The following TBPL2 variants were observed in gnomAD, a reference collection of about 807,000 sequenced individuals.
The protein encoded by TBPL2 is TATA box-binding protein-like 2.
Under a neutral mutation model 38.2 loss-of-function variants are expected in TBPL2, and 40 were observed. The ratio of observed to expected loss-of-function variants is 1.05; its 90% confidence interval spans 0.81 to 1.36. The LOEUF (loss-of-function observed/expected upper bound fraction) is 1.36, where lower values mean the gene tolerates loss of function less well. TBPL2 is among the 40% of genes most tolerant of loss of function. TBPL2 has a pLI of 0.00. For synonymous variants in TBPL2, 169 were observed against 171.7 expected (o/e 0.98, Z 0.12); for missense variants, 461 against 456.7 (o/e 1.01, Z -0.09).
chr14:55,415,514 A>AT lies in TBPL2; in HGVS notation c.1052-1060dup, dbSNP rs143861193. On this transcript the variant is annotated intron_variant, in intron 6 of 6. Coordinates refer to ENST00000247219, the Ensembl canonical transcript of TBPL2. ...TACTACGCACTTTCATTGCAGCACT[A>AT]TTCACACTTGCCAAAAGGTGGAAAC... 2.9e-3 allele frequency among the ~76,000 whole-genome samples: 440 copies of AT among 152,334 alleles called. 3 individuals carry two copies. The highest frequency in any genetic ancestry group is 3.4e-3 in the Non-Finnish European group (229 of 68,038).
chr14:55,417,615 A>ATG (rs1885687702), intron 6 of TBPL2, among the ~76,000 whole-genome samples: 1 of 152,024 alleles, frequency 6.6e-6, no homozygotes, highest in Admixed American at 6.6e-5. Flanking sequence ...AAGCACCACC[A>ATG]TGTCTGGCTA....
At chr14:55,426,453 C>T (rs1341927279) in intron 5 of TBPL2, among the ~76,000 whole-genome samples, 1 of 152,022 alleles carries the variant, frequency 6.6e-6, no homozygotes, top group African/African-American at 2.4e-5. Context: ...GGGTTTAACA[C>T]AAGGCAAATT....
At chr14:55,418,686 G>A (rs1885702508) in intron 6 of TBPL2, among the ~76,000 whole-genome samples, 1 of 152,108 alleles carries the variant, frequency 6.6e-6, no homozygotes, top group African/African-American at 2.4e-5. Flanking sequence ...CAGCAACAAT[G>A]ACACAACTTC....
intron 4 of TBPL2, among the ~76,000 whole-genome samples, chr14:55,433,179 AC>A (rs1173888269): frequency 7.9e-5 from 12 of 152,026 alleles, no homozygotes; most frequent in Non-Finnish European, 1.0e-4. Context: ...CTCAGACTGG[AC>A]TGCAGTGGTA....
intron 1 of TBPL2, chr14:55,438,749 T>C (rs905813960): frequency 3.9e-5 from 6 of 152,252 alleles, no homozygotes; most frequent in African/African-American, 1.4e-4. Context: ...ACTGCATCCT[T>C]GGCTTCAGAA....
At chr14:55,433,526 G>A (rs1421797042) in intron 4 of TBPL2, 104 bp downstream of exon 4, 2 of 1,043,608 alleles carry the variant, frequency 1.9e-6, no homozygotes, top group East Asian at 4.8e-5. Flanking sequence ...AGCAAAGAAA[G>A]GCATTTTGCT....
chr14:55,420,833 G>C (rs1034878483), intron 6 of TBPL2, among the ~76,000 whole-genome samples: 4 of 152,102 alleles, frequency 2.6e-5, no homozygotes, highest in Admixed American at 2.6e-4. Context: ...GCCGAGGCGG[G>C]TGGATCACGA....
intron 4 of TBPL2, among the ~76,000 whole-genome samples, chr14:55,432,654 T>G (rs1594793491): frequency 6.6e-6 from 1 of 152,308 alleles, no homozygotes; most frequent in East Asian, 1.9e-4. Context: ...TTTTTGTCAA[T>G]CAATTTAGCA....
intron 1 of TBPL2, among the ~76,000 whole-genome samples, chr14:55,439,653 G>A (rs1254553297): frequency 7.5e-6 from 1 of 133,678 alleles, no homozygotes; most frequent in Admixed American, 8.9e-5. Context: ...AAAATTAGCC[G>A]GGCATGGTGG....
chr14:55,426,481 C>T (rs1375486136), intron 5 of TBPL2, among the ~76,000 whole-genome samples: 1 of 152,030 alleles, frequency 6.6e-6, no homozygotes, highest in Non-Finnish European at 1.5e-5. Flanking sequence ...ATAATTATAA[C>T]TGATTATGTA....
intron 5 of TBPL2, among the ~76,000 whole-genome samples, chr14:55,426,831 C>A (rs1005600785): frequency 6.6e-6 from 1 of 152,220 alleles, no homozygotes; most frequent in Non-Finnish European, 1.5e-5. Context: ...GCCTTACTGG[C>A]AACCCTTCCA....
chr14:55,419,510 A>T (rs1172940514), intron 6 of TBPL2, among the ~76,000 whole-genome samples: 1 of 152,244 alleles, frequency 6.6e-6, no homozygotes, highest in African/African-American at 2.4e-5. Context: ...ATGTCACACC[A>T]GCCACAGAAA....
At chr14:55,424,550 A>C (rs1885792111) in intron 5 of TBPL2, among the ~76,000 whole-genome samples, 1 of 152,210 alleles carries the variant, frequency 6.6e-6, no homozygotes, top group Non-Finnish European at 1.5e-5. Flanking sequence ...CTTGTTGGTT[A>C]AACATCCTCT....
At chr14:55,429,924 A>C (rs1345029587) in intron 4 of TBPL2, among the ~76,000 whole-genome samples, 1 of 152,074 alleles carries the variant, frequency 6.6e-6, no homozygotes, top group Non-Finnish European at 1.5e-5. Context: ...GTCCAAAACA[A>C]CCACATGAAA....
chr14:55,417,971 T>G (rs1439917128), intron 6 of TBPL2, among the ~76,000 whole-genome samples: 2 of 152,180 alleles, frequency 1.3e-5, no homozygotes, highest in Non-Finnish European at 2.9e-5. Flanking sequence ...TTCTTACTTG[T>G]AAAATAAGGA....
At chr14:55,425,976 T>C (rs1002596107) in intron 5 of TBPL2, among the ~76,000 whole-genome samples, 32 of 152,198 alleles carry the variant, frequency 2.1e-4, no homozygotes, top group African/African-American at 7.2e-4. Context: ...GAATTAAAAA[T>C]TAAAGAGGGG....
At chr14:55,440,406 C>A (rs770232331) in exon 1 of TBPL2, 1 of 1,613,024 alleles carries the variant, frequency 6.2e-7, no homozygotes, top group South Asian at 1.1e-5. Context: ...CTGAGCGGCG[C>A]ACTGGTCCAG....
chr14:55,420,933 T>C (rs1040583041), intron 6 of TBPL2, among the ~76,000 whole-genome samples: 1 of 150,510 alleles, frequency 6.6e-6, no homozygotes, highest in East Asian at 2.0e-4. Context: ...TAGTGGCAGG[T>C]GCCTGTAGTC....
chr14:55,436,685 C>A (rs1240973008), exon 2 of TBPL2: 2 of 1,614,208 alleles, frequency 1.2e-6, no homozygotes, highest in Admixed American at 1.7e-5. Flanking sequence ...GAGTCAGTAT[C>A]ACCAGGGTGC....
Sources: gnomAD v4.1 joint callset for allele counts (sites outside exome capture counted in the v4.1 genomes callset) on GRCh38, gnomAD v4.1.1 for gene constraint, MANE v1.5 for transcripts, NCBI Gene and HGNC (gene_info 2026-07-23, HGNC 2026-07-21) for gene names.